Variants in MAGI3 observed in about 807,000 individuals in gnomAD.
MAGI3 encodes the protein membrane-associated guanylate kinase, WW and PDZ domain-containing protein 3.
In MAGI3, 43 loss-of-function variants were observed where a neutral mutation model predicts 121.8. That is an observed-to-expected ratio of 0.35 (90% confidence interval 0.28 to 0.46). The LOEUF (loss-of-function observed/expected upper bound fraction) is 0.46, where lower values mean the gene tolerates loss of function less well. Among genes scored for constraint, MAGI3 ranks in the 20% least tolerant of loss-of-function variants. The pLI, the probability that MAGI3 is intolerant of heterozygous loss-of-function variation, is 1.00. For missense variants in MAGI3, 1,547 were observed against 1,797.3 expected, an observed-to-expected ratio of 0.86 and a Z score of 2.52; for synonymous variants, 553 against 639.3, an observed-to-expected ratio of 0.86 and a Z score of 2.04.
At chr1:113,545,691 T>C (rs1381364393) in intron 1 of MAGI3, among the ~76,000 whole-genome samples, 3 of 152,204 alleles carry the variant, frequency 2.0e-5, no homozygotes, top group Admixed American at 6.5e-5. Context: ...AGGTTTCTGT[T>C]AGGGACTTTT....
chr1:113,669,132 T>C (rs1220192420), intron 16 of MAGI3, among the ~76,000 whole-genome samples: 3 of 152,182 alleles, frequency 2.0e-5, no homozygotes, highest in African/African-American at 7.2e-5. Flanking sequence ...TCCCCATCAT[T>C]TTCCATCTCC....
intron 1 of MAGI3, among the ~76,000 whole-genome samples, chr1:113,418,579 GTCT>G (rs373254191): frequency 2.5e-3 from 382 of 152,086 alleles, no homozygotes; most frequent in African/African-American, 6.4e-3. Context: ...CTGCCTTGTA[GTCT>G]TCTTCTTTCT....
intron 1 of MAGI3, among the ~76,000 whole-genome samples, chr1:113,472,955 T>C (rs1010156425): frequency 6.6e-6 from 1 of 152,234 alleles, no homozygotes; most frequent in Non-Finnish European, 1.5e-5. Context: ...TTTTAATACA[T>C]TTTAAACTTT....
chr1:113,672,177 G>A (rs1243547802), intron 17 of MAGI3, among the ~76,000 whole-genome samples: 1 of 152,224 alleles, frequency 6.6e-6, no homozygotes, highest in Non-Finnish European at 1.5e-5. Flanking sequence ...ATGGATTGCT[G>A]TCTTATCAGA....
chr1:113,546,921 A>G (rs1448138417), intron 1 of MAGI3, among the ~76,000 whole-genome samples: 1 of 151,800 alleles, frequency 6.6e-6, no homozygotes, highest in Non-Finnish European at 1.5e-5. Context: ...TCTCTACTAA[A>G]AAACACAAAA....
chr1:113,438,426 A>G (rs545541585), intron 1 of MAGI3, among the ~76,000 whole-genome samples: 1 of 152,312 alleles, frequency 6.6e-6, no homozygotes, highest in South Asian at 2.1e-4. Context: ...CACTTATCAC[A>G]TACTATGGCT....
At chr1:113,439,741 A>G (rs1653820279) in intron 1 of MAGI3, among the ~76,000 whole-genome samples, 1 of 152,236 alleles carries the variant, frequency 6.6e-6, no homozygotes, top group Non-Finnish European at 1.5e-5. Flanking sequence ...ACACAATGGA[A>G]TAAATTCAAT....
At chr1:113,411,489 A>AGATT (rs1266948465) in intron 1 of MAGI3, among the ~76,000 whole-genome samples, 1 of 151,964 alleles carries the variant, frequency 6.6e-6, no homozygotes, top group Non-Finnish European at 1.5e-5. Flanking sequence ...TTTCATATGT[A>AGATT]TTCTGGTATA....
chr1:113,483,124 C>T (rs1271180559), intron 1 of MAGI3, among the ~76,000 whole-genome samples: 1 of 152,120 alleles, frequency 6.6e-6, no homozygotes, highest in Admixed American at 6.5e-5. Flanking sequence ...CTTTTCTTAC[C>T]TTTTAAAAGA....
At chr1:113,504,199 A>C (rs898676759) in intron 1 of MAGI3, among the ~76,000 whole-genome samples, 12 of 152,084 alleles carry the variant, frequency 7.9e-5, no homozygotes, top group African/African-American at 2.9e-4. Context: ...GAAATCTAGA[A>C]ACTAGACAAA....
intron 1 of MAGI3, among the ~76,000 whole-genome samples, chr1:113,547,000 G>T (rs775222894): frequency 6.6e-6 from 1 of 150,938 alleles, no homozygotes; most frequent in South Asian, 2.1e-4. Context: ...GGAGAATGGC[G>T]TGAACCCAGG....
intron 11 of MAGI3, 27 bp from the exon 12 acceptor site, chr1:113,646,459 A>G: frequency 6.4e-7 from 1 of 1,558,126 alleles, no homozygotes; most frequent in South Asian, 1.2e-5. Flanking sequence ...TTTAAAAAAT[A>G]CTAAGTAAGG....
chr1:113,528,421 A>C (rs1570804596), intron 1 of MAGI3, among the ~76,000 whole-genome samples: 1 of 152,104 alleles, frequency 6.6e-6, no homozygotes, highest in East Asian at 1.9e-4. Flanking sequence ...ATTCCTATAA[A>C]CTGGAATGTA....
At chr1:113,423,595 A>G (rs1304109973) in intron 1 of MAGI3, among the ~76,000 whole-genome samples, 2 of 152,138 alleles carry the variant, frequency 1.3e-5, no homozygotes, top group African/African-American at 4.8e-5. Flanking sequence ...TTATAGGCAC[A>G]GAAGGGAGAA....
rs571426624 is a variant in MAGI3 at position 113,430,436 on chromosome 1, G to A, written c.316+39087G>A. ...CTGAGACTTTTTGGCTGAAATGTCTGAGTAATATTATACAAAGTCATATAT... is the reference window on the plus strand; with the variant it reads ...CTGAGACTTTTTGGCTGAAATGTCTAAGTAATATTATACAAAGTCATATAT... On this transcript the variant is annotated intron_variant, in intron 1 of 20. Transcript: ENST00000307546. 7.2e-5 allele frequency among the ~76,000 whole-genome samples: 11 copies of A among 152,290 alleles called. No individual in the cohort carries two copies. In the East Asian group the frequency reaches 1.9e-3, roughly 27 times the overall value.
chr1:113,429,822 G>T (rs1265193723), intron 1 of MAGI3, among the ~76,000 whole-genome samples: 1 of 152,130 alleles, frequency 6.6e-6, no homozygotes, highest in Non-Finnish European at 1.5e-5. Context: ...TGGAGAGGTA[G>T]GGTGTTCCTT....
At chr1:113,623,489 T>TACAC (rs1650995995) in intron 9 of MAGI3, among the ~76,000 whole-genome samples, 1 of 48,356 alleles carries the variant, frequency 2.1e-5, no homozygotes, top group Non-Finnish European at 4.4e-5. Flanking sequence ...CACACACACA[T>TACAC]ATATATATTT....
chr1:113,641,254 G>T (rs941861300), intron 9 of MAGI3, among the ~76,000 whole-genome samples: 3 of 148,752 alleles, frequency 2.0e-5, no homozygotes, highest in Non-Finnish European at 4.4e-5. Context: ...TGCAGGCTGA[G>T]GTGATCAGGT....
intron 9 of MAGI3, among the ~76,000 whole-genome samples, chr1:113,631,392 C>T (rs189749981): frequency 2.1e-4 from 32 of 152,186 alleles, no homozygotes; most frequent in African/African-American, 7.0e-4. Context: ...GCTTCTATCC[C>T]GCCACTTTGC....
Sources: gnomAD v4.1 joint callset for allele counts (sites outside exome capture counted in the v4.1 genomes callset) on GRCh38, gnomAD v4.1.1 for gene constraint, MANE v1.5 for transcripts, NCBI Gene and HGNC (gene_info 2026-07-23, HGNC 2026-07-21) for gene names.